Variants in RSU1 observed in about 807,000 individuals in gnomAD.
RSU1 encodes rsu-1.
A neutral mutation model predicts 31.1 loss-of-function variants in RSU1; 26 were observed. The ratio of observed to expected loss-of-function variants is 0.84; its 90% CI spans 0.61 to 1.16. The LOEUF (loss-of-function observed/expected upper bound fraction) is 1.16, where lower values mean the gene tolerates loss of function less well. Ranked by LOEUF, RSU1 falls within the 50% of genes most tolerant of loss-of-function variation. The pLI is 0.00. For synonymous variants in RSU1, 164 were observed against 136.3 expected, an observed-to-expected ratio of 1.20 and a Z score of -1.41; for missense variants, 320 against 339.1, an observed-to-expected ratio of 0.94 and a Z score of 0.44.
chr10:16,767,705 C>T (rs1837342065), intron 3 of RSU1, among the ~76,000 whole-genome samples: 1 of 151,954 alleles, frequency 6.6e-6, no homozygotes. Context: ...TTAGAGAATG[C>T]TGATTAGGTG....
At chr10:16,799,439 T>G (rs1291797914) in intron 2 of RSU1, among the ~76,000 whole-genome samples, 2 of 151,972 alleles carry the variant, frequency 1.3e-5, no homozygotes, top group African/African-American at 4.8e-5. Flanking sequence ...CAGCAACCGG[T>G]AGGAATGCCT....
At chr10:16,645,829 C>A (rs1396526069) in intron 8 of RSU1, among the ~76,000 whole-genome samples, 1 of 143,344 alleles carries the variant, frequency 7.0e-6, no homozygotes, top group African/African-American at 2.6e-5. Flanking sequence ...AAAAACAAGT[C>A]ACATTTTGTC....
intron 7 of RSU1, among the ~76,000 whole-genome samples, chr10:16,696,268 G>A (rs910707873): frequency 6.6e-6 from 1 of 152,170 alleles, no homozygotes; most frequent in Non-Finnish European, 1.5e-5. Context: ...AGGTTCTACT[G>A]CCTATGTTTT....
intron 8 of RSU1, among the ~76,000 whole-genome samples, chr10:16,686,788 A>C (rs1035345478): frequency 7.2e-5 from 11 of 152,182 alleles, no homozygotes; most frequent in Non-Finnish European, 1.0e-4. Flanking sequence ...TTAAAGTCCT[A>C]CGGAAAAGCC....
At chr10:16,806,938 G>C (rs756702762) in intron 2 of RSU1, among the ~76,000 whole-genome samples, 4 of 152,196 alleles carry the variant, frequency 2.6e-5, no homozygotes, top group Non-Finnish European at 4.4e-5. Flanking sequence ...ATTGTTAGTA[G>C]AGAGGGGGTT....
chr10:16,671,875 C>CA (rs2131538924), intron 8 of RSU1, among the ~76,000 whole-genome samples: 1 of 151,802 alleles, frequency 6.6e-6, no homozygotes, highest in South Asian at 2.1e-4. Context: ...ATCGACCCCC[C>CA]TCGGCCTCCC....
At chr10:16,620,596 A>G (rs1218153067) in intron 8 of RSU1, among the ~76,000 whole-genome samples, 1 of 151,516 alleles carries the variant, frequency 6.6e-6, no homozygotes, top group African/African-American at 2.4e-5. Flanking sequence ...CTGTAATCCC[A>G]GCACTTTGGG....
chr10:16,609,049 T>C (rs1030253575), intron 8 of RSU1, among the ~76,000 whole-genome samples: 1 of 142,060 alleles, frequency 7.0e-6, no homozygotes, highest in African/African-American at 3.1e-5. Context: ...CCCAGGCTAA[T>C]ATAGAACTCC....
rs1837011020 is a variant in RSU1 at position 16,752,986 on chromosome 10, G to C, written c.415C>G (p.Leu139Val). 2 of 1,613,862 alleles carry C rather than the reference G, an allele frequency of 1.2e-6. No individual in the cohort carries two copies. Among genetic ancestry groups the C allele is most frequent in the Admixed American group, 1.7e-5 (1 of 60,016 alleles). The change falls in exon 6 of 9, where the codon CTC becomes GTC. Residue 139 changes from leucine to valine, a missense_variant. Physicochemically the swap from Leu to Val is conservative, Grantham distance 32. Coordinates refer to ENST00000345264, the MANE Select transcript of RSU1 (RefSeq NM_012425.4). ...NFFYLTTLRA[L>V]YLSDNDFEIL... ...TCAAAATCGTTGTCACTTAGATAGA[G>C]TGCACGCAGGGTGGCTGCAAATTAA...
At chr10:16,735,358 G>A (rs1440340864) in intron 7 of RSU1, among the ~76,000 whole-genome samples, 1 of 152,208 alleles carries the variant, frequency 6.6e-6, no homozygotes, top group Non-Finnish European at 1.5e-5. Context: ...GCAGGGTTGA[G>A]GGAATGACCT....
intron 8 of RSU1, among the ~76,000 whole-genome samples, chr10:16,608,635 C>T (rs1446428472): frequency 3.3e-5 from 5 of 152,038 alleles, no homozygotes. Flanking sequence ...TATTTAGGAG[C>T]AAGTGAACAC....
chr10:16,689,335 A>T (rs1588716437), intron 8 of RSU1, among the ~76,000 whole-genome samples: 1 of 152,368 alleles, frequency 6.6e-6, no homozygotes, highest in East Asian at 1.9e-4. Flanking sequence ...TTTAAAATGA[A>T]TGGGCTCACC....
intron 3 of RSU1, among the ~76,000 whole-genome samples, chr10:16,779,522 A>C (rs1837607291): frequency 6.6e-6 from 1 of 152,152 alleles, no homozygotes; most frequent in Non-Finnish European, 1.5e-5. Context: ...TAAACCATTC[A>C]TTCCTTCCAT....
chr10:16,731,279 A>T (rs1049598101), intron 7 of RSU1, among the ~76,000 whole-genome samples: 1 of 152,046 alleles, frequency 6.6e-6, no homozygotes, highest in Non-Finnish European at 1.5e-5. Context: ...AAATACAAAA[A>T]ATTAGCCGGG....
intron 8 of RSU1, among the ~76,000 whole-genome samples, chr10:16,690,733 G>A (rs543768349): frequency 6.6e-6 from 1 of 152,230 alleles, no homozygotes; most frequent in African/African-American, 2.4e-5. Context: ...TGTGAACGCC[G>A]ATCATAGACA....
At chr10:16,754,128 C>T (rs750892085) in intron 5 of RSU1, among the ~76,000 whole-genome samples, 28 of 151,952 alleles carry the variant, frequency 1.8e-4, no homozygotes, top group Non-Finnish European at 1.5e-4. Flanking sequence ...AGGTAATGTA[C>T]GTAAGGTAAA....
chr10:16,653,735 A>G (rs1443481303), intron 8 of RSU1, among the ~76,000 whole-genome samples: 2 of 152,136 alleles, frequency 1.3e-5, no homozygotes. Context: ...ATTTCATAAG[A>G]GCAGAAAGAA....
chr10:16,765,051 A>T (rs1265307220), intron 3 of RSU1, among the ~76,000 whole-genome samples: 2 of 152,278 alleles, frequency 1.3e-5, no homozygotes, highest in African/African-American at 4.8e-5. Flanking sequence ...GTCTATAAAA[A>T]TGAGTATTAT....
chr10:16,684,296 G>A (rs1050395533), intron 8 of RSU1, among the ~76,000 whole-genome samples: 3 of 152,140 alleles, frequency 2.0e-5, no homozygotes, highest in Non-Finnish European at 4.4e-5. Context: ...TGGAAAGTAA[G>A]TCAGGATATG....
Sources: gnomAD v4.1 joint callset for allele counts (sites outside exome capture counted in the v4.1 genomes callset) on GRCh38, gnomAD v4.1.1 for gene constraint, MANE v1.5 for transcripts, NCBI Gene and HGNC (gene_info 2026-07-23, HGNC 2026-07-21) for gene names.